ZNF641: variants seen among roughly 807,000 people sequenced by gnomAD.
The protein encoded by ZNF641 is zinc finger protein 641.
A neutral mutation model predicts 46.2 loss-of-function variants in ZNF641; 26 were observed. That is an observed-to-expected ratio of 0.56 (90% CI 0.41 to 0.78). The LOEUF (loss-of-function observed/expected upper bound fraction) is 0.78, where lower values mean the gene tolerates loss of function less well. Ranked by LOEUF, ZNF641 falls within the 30% of genes least tolerant of loss-of-function variation. The pLI is 0.00. For missense variants in ZNF641, 469 were observed against 517.8 expected (o/e 0.91, Z 0.91); for synonymous variants, 163 against 187.9 (o/e 0.87, Z 1.09).
At chr12:48,349,707 A>G (rs928348987) in intron 1 of ZNF641, among the ~76,000 whole-genome samples, 2 of 152,198 alleles carry the variant, frequency 1.3e-5, no homozygotes, top group Non-Finnish European at 2.9e-5. Flanking sequence ...AGAAAGGAAA[A>G]TTCTTGCTAA....
chr12:48,336,552 C>A (rs575357466), downstream of ZNF641, among the ~76,000 whole-genome samples: 2 of 152,200 alleles, frequency 1.3e-5, no homozygotes, highest in Admixed American at 1.3e-4. Context: ...TCAACACAGG[C>A]CCTTCCTGTC....
At position 48,339,863 on chromosome 12, in the gene ZNF641, GA is replaced by G. The variant is rs994008286; in HGVS notation, c.*3109del. 12 of 917,938 alleles carry G rather than the reference GA, an allele frequency of 1.3e-5. No individual in the cohort carries two copies. The African/African-American group carries it at 1.8e-4, about 14-fold the overall frequency. 56.9% of individuals were successfully genotyped at this position (917,938 alleles called of 1,614,324 possible). ...AGGCGTAAAGTGTAAATAGCCTGGT[GA>G]AAAGCTAACACTTTCGGTTACAGTC... On this transcript the variant is annotated 3_prime_UTR_variant, in exon 6 of 6. Coordinates refer to ENST00000547026, the MANE Select transcript of ZNF641 (RefSeq NM_001172681.2).
chr12:48,343,619 T>C lies in ZNF641; in HGVS notation c.629A>G (p.Glu210Gly). Residue 210 changes from glutamate to glycine, a missense_variant, in exon 6 of 6, where the codon GAG becomes GGG. This residue lies in a region of ZNF641 where 346 missense variants were observed against 354.0 expected (regional missense o/e 0.98). Transcript: ENST00000547026. Reference protein sequence around the residue: ...DTVLWNPEHDESWDSMPSSSR... With the variant: ...DTVLWNPEHDGSWDSMPSSSR... The stretch of plus-strand genomic sequence containing the variant: ...GCTGCTGGGCATGGAATCCCAGCTC[T>C]CATCATGCTCCGGGTTCCAGAGAAC... 6.2e-7 allele frequency: 1 copy of C among 1,600,692 alleles called. No homozygotes were observed. Among genetic ancestry groups the C allele is most frequent in the Non-Finnish European group, 8.5e-7 (1 of 1,173,134 alleles).
rs1953013604 is a variant in ZNF641 at position 48,350,799 on chromosome 12, G to A, written c.-39C>T. On this transcript the variant is annotated 5_prime_UTR_variant, in exon 1 of 6. Transcript: ENST00000547026. The stretch of plus-strand genomic sequence containing the variant: ...GGCTCCACTCACCCCCGGTAGGCTT[G>A]GCCCGCGGCCCGGTGCCTCCCTCCC... 1 of 983,496 alleles carries A rather than the reference G, an allele frequency of 1.0e-6. No individual in the cohort carries two copies. Among genetic ancestry groups the A allele is most frequent in the African/African-American group, 1.7e-5 (1 of 57,202 alleles). 60.9% of individuals were successfully genotyped at this position (983,496 alleles called of 1,614,324 possible).
In ZNF641 at chr12:48,345,267, C is replaced by T. The variant is rs183856330; in HGVS notation, c.406+78G>A. The T allele has an allele frequency of 7.7e-5, 119 of 1,545,454 alleles. 2 individuals are homozygous for T. The Admixed American group carries it at 2.0e-3, about 26-fold the overall frequency. ...CCACATAAAGAGTCCTAGACAGACA[C>T]TATCCAATAGCCCTGAAGCAGATGG... On this transcript the variant is annotated intron_variant, in intron 4 of 5. Coordinates refer to ENST00000547026, the MANE Select transcript of ZNF641 (RefSeq NM_001172681.2).
At chr12:48,350,445 C>G (rs1175897042) in intron 1 of ZNF641, 1 of 250,334 alleles carries the variant, frequency 4.0e-6, no homozygotes, top group East Asian at 7.9e-5. Flanking sequence ...TCAGAGAATC[C>G]GAGCAAGGCA....
At position 48,348,012 on chromosome 12, in the gene ZNF641, C is replaced by T; in HGVS notation, c.79G>A (p.Val27Met). 2 of 1,614,230 alleles carry T rather than the reference C, an allele frequency of 1.2e-6. No homozygotes were observed. Among genetic ancestry groups the T allele is most frequent in the Non-Finnish European group, 1.7e-6 (2 of 1,180,050 alleles). The change falls in exon 2 of 6, where the codon GTG (valine) becomes ATG (methionine). Residue 27 changes from valine to methionine, a missense_variant. Val to Met is a conservative substitution (Grantham distance 21). Coordinates refer to ENST00000547026, the MANE Select transcript of ZNF641 (RefSeq NM_001172681.2). ...CGCTCTTCCTGGCTTCCCCTTTCCACCTGGGGCTCTGCTCCATCCAGCTGT... is the reference window on the plus strand; with the variant it reads ...CGCTCTTCCTGGCTTCCCCTTTCCATCTGGGGCTCTGCTCCATCCAGCTGT... ...NVQLDGAEPQ[V>M]ERGSQEERPW...
At position 48,340,537 on chromosome 12, in the gene ZNF641, G is replaced by A. The variant is rs542736243; in HGVS notation, c.*2436C>T. 191 of 985,222 alleles carry A rather than the reference G, an allele frequency of 1.9e-4. No individual in the cohort carries two copies. Among genetic ancestry groups the A allele is most frequent in the Non-Finnish European group, 2.3e-4 (188 of 829,918 alleles). The allele number at this position is 985,222 out of a possible 1,614,324, so 61.0% of individuals were successfully genotyped here. On this transcript the variant is annotated 3_prime_UTR_variant, in exon 6 of 6. Coordinates refer to ENST00000547026, the MANE Select transcript of ZNF641 (RefSeq NM_001172681.2). Reference sequence around the variant, plus strand: ...CATCCTTATACCACTGATGCCTCTGGTACCTTAATCCTTAAAATATTTAGT... The same window carrying A: ...CATCCTTATACCACTGATGCCTCTGATACCTTAATCCTTAAAATATTTAGT...
Position 48,340,021 on chromosome 12 carries a change from C to T in ZNF641, c.*2952G>A, listed in dbSNP as rs1474433962. 3 of 985,208 alleles carry T rather than the reference C, an allele frequency of 3.0e-6. No homozygotes were observed. The highest frequency in any genetic ancestry group is 3.6e-6 in the Non-Finnish European group (3 of 829,926). The allele number at this position is 985,208 out of a possible 1,614,324, so 61.0% of individuals were successfully genotyped here. On this transcript the variant is annotated 3_prime_UTR_variant, in exon 6 of 6. Coordinates refer to ENST00000547026, the MANE Select transcript of ZNF641 (RefSeq NM_001172681.2). ...ATGATATCCCTGTTTTACATTTTGC[C>T]CAAAGAGAACACAGAGATTCTTTTT... is the stretch of plus-strand genomic sequence containing the variant.
At chr12:48,350,662 C>T in intron 1 of ZNF641, 124 bp downstream of exon 1, 2 of 225,758 alleles carry the variant, frequency 8.9e-6, no homozygotes, top group Non-Finnish European at 1.5e-5. Flanking sequence ...GGAAAGGCAG[C>T]AACCCGGAAG....
chr12:48,345,355 T>G lies in ZNF641; in HGVS notation c.396A>C (p.Val132=). The change falls in exon 4 of 6, where the codon GTA becomes GTC. Residue 132 remains valine (V), a synonymous_variant. Coordinates refer to ENST00000547026, the MANE Select transcript of ZNF641 (RefSeq NM_001172681.2). ...GAAGGTCATGCTTACTCAGAGAGACTACTATCCCACAGTTTTCCTGCATGA... is the reference window on the plus strand; with the variant it reads ...GAAGGTCATGCTTACTCAGAGAGACGACTATCCCACAGTTTTCCTGCATGA... The part of the protein sequence containing the change: ...EYVMQENCGI[V]VSLRFPIPKL... 6.2e-7 allele frequency: 1 copy of G among 1,614,050 alleles called. No individual in the cohort carries two copies. The highest frequency in any genetic ancestry group is 8.5e-7 in the Non-Finnish European group (1 of 1,179,954).
At position 48,348,702 on chromosome 12, in the gene ZNF641, A is replaced by G. The variant is rs780832465; in HGVS notation, c.-25-587T>C. ...AAAAAGGCACTTGGTCTACCATCCA[A>G]TGAAAACTGGTAGTAAATATGGTAG... On this transcript the variant is annotated intron_variant, in intron 1 of 5. Coordinates refer to ENST00000547026, the MANE Select transcript of ZNF641 (RefSeq NM_001172681.2). Among the ~76,000 whole-genome samples the G allele has an allele frequency of 2.0e-5, 3 of 152,382 alleles. No individual in the cohort carries two copies. In the East Asian group the frequency reaches 5.8e-4, roughly 29 times the overall value.
In ZNF641 at chr12:48,338,731, CTT is replaced by C. The variant is rs1466268425; in HGVS notation, c.*4240_*4241del. The C allele has an allele frequency of 6.6e-6, 1 of 152,248 alleles. No homozygotes were observed. Among genetic ancestry groups the C allele is most frequent in the African/African-American group, 2.4e-5 (1 of 41,444 alleles). The allele number at this position is 152,248 out of a possible 1,614,324, so 9.4% of individuals were successfully genotyped here. On this transcript the variant is annotated 3_prime_UTR_variant, in exon 6 of 6. Transcript: ENST00000547026. The stretch of plus-strand genomic sequence containing the variant: ...TCTTACTAGAAAAACCTAGTTCTCT[CTT>C]ATGCCCTGGGGACTCTGATGTTCCT...
At position 48,347,887 on chromosome 12, in the gene ZNF641, CA is replaced by C. The variant is rs1952924172; in HGVS notation, c.184+19del. 3 of 1,612,186 alleles carry C rather than the reference CA, an allele frequency of 1.9e-6. No individual in the cohort carries two copies. Among genetic ancestry groups the C allele is most frequent in the Non-Finnish European group, 2.5e-6 (3 of 1,178,388 alleles). ...AGGAGACTATGCACTGTGCTTCCCA[CA>C]CACTCTGTGAGTTCTCACCCTTCTC... is the stretch of plus-strand genomic sequence containing the variant. On this transcript the variant is annotated intron_variant, in intron 2 of 5. Transcript: ENST00000547026.
rs192411279 is a variant in ZNF641 at position 48,347,680 on chromosome 12, G to A, written c.184+227C>T. Among the ~76,000 whole-genome samples the A allele has an allele frequency of 2.2e-4, 33 of 152,342 alleles. No individual in the cohort carries two copies. The East Asian group carries it at 4.6e-3, about 21-fold the overall frequency. The stretch of plus-strand genomic sequence containing the variant: ...ATTCAGTATCACTAATTATGCATTT[G>A]CATGTGGAGGGAGTAATTATGAAGA... On this transcript the variant is annotated intron_variant, in intron 2 of 5. Coordinates refer to ENST00000547026, the MANE Select transcript of ZNF641 (RefSeq NM_001172681.2).
chr12:48,336,712 G>T (rs574495939), downstream of ZNF641, among the ~76,000 whole-genome samples: 1 of 152,284 alleles, frequency 6.6e-6, no homozygotes, highest in South Asian at 2.1e-4. Flanking sequence ...GCCTCTAAGG[G>T]GTCAAGTCAC....
rs144784236 is a variant in ZNF641, at chr12:48,343,631, G to T, written c.617C>A (p.Pro206Gln). Residue 206 changes from proline (P) to glutamine (Q), a missense_variant, in exon 6 of 6, where the codon CCG (proline) becomes CAG (glutamine). By Grantham distance (76) the Pro-to-Gln change is moderately conservative. Coordinates refer to ENST00000547026, the MANE Select transcript of ZNF641 (RefSeq NM_001172681.2). ...GGAATCCCAGCTCTCATCATGCTCC[G>T]GGTTCCAGAGAACAGTATCTTCAGA... is the stretch of plus-strand genomic sequence containing the variant. ...SVSEDTVLWN[P>Q]EHDESWDSMP... The T allele has an allele frequency of 1.1e-4, 177 of 1,595,904 alleles. No individual in the cohort carries two copies. The highest frequency in any genetic ancestry group is 1.0e-3 in the Middle Eastern group (6 of 5,864).
rs181076453 is a variant in ZNF641, at chr12:48,340,164, G to A, written c.*2809C>T. 4.1e-6 allele frequency: 4 copies of A among 985,430 alleles called. No homozygotes were observed. In the Admixed American group the frequency reaches 1.8e-4, roughly 45 times the overall value. The allele number at this position is 985,430 out of a possible 1,614,324, so 61.0% of individuals were successfully genotyped here. A position where few individuals can be genotyped will look rare whatever the true frequency, so the allele number is the denominator to read the frequency against. On this transcript the variant is annotated 3_prime_UTR_variant, in exon 6 of 6. Transcript: ENST00000547026. Reference sequence around the variant, plus strand: ...CTTGTTTTATTTTTTGTCCAAGAGAGGTGGTGTTGGACCGAGGTAGAGAAG... The same window carrying A: ...CTTGTTTTATTTTTTGTCCAAGAGAAGTGGTGTTGGACCGAGGTAGAGAAG...
intron 3 of ZNF641, 181 bp downstream of exon 3, chr12:48,347,071 T>G: frequency 1.8e-6 from 2 of 1,123,384 alleles, no homozygotes; most frequent in Non-Finnish European, 2.4e-6. Context: ...CCCTTTCTTG[T>G]AGGTCCATTT....
Sources: allele counts gnomAD v4.1 joint callset (sites outside exome capture counted in the v4.1 genomes callset), GRCh38; gene constraint gnomAD v4.1.1; regional missense constraint gnomAD v4.1.1; transcripts MANE v1.5; gene names NCBI Gene and HGNC (gene_info 2026-07-23, HGNC 2026-07-21).